The following FOXP2 variants were observed in gnomAD, a reference collection of about 807,000 sequenced individuals.
FOXP2 encodes the protein forkhead box P2.
FOXP2 carries 12 observed loss-of-function variants against 115.8 expected under a neutral mutation model. The observed-to-expected ratio is 0.10, with a 90% CI of 0.07 to 0.17. FOXP2 has a LOEUF of 0.17. FOXP2 is among the 10% of genes least tolerant of loss of function. The probability of loss-of-function intolerance (pLI) is 1.00; values close to 1 mark genes in which losing one functional copy is unlikely to be tolerated. For missense variants in FOXP2, 629 were observed against 843.5 expected (o/e 0.75, Z 3.15); for synonymous variants, 328 against 297.7 (o/e 1.10, Z -1.05).
At chr7:114,671,416 A>G (rs527868206) in intron 16 of FOXP2, among the ~76,000 whole-genome samples, 1 of 152,278 alleles carries the variant, frequency 6.6e-6, no homozygotes, top group East Asian at 1.9e-4. Context: ...TTATAGAACT[A>G]TACAGATGAT....
chr7:114,390,244 G>T (rs541383738), intron 2 of FOXP2, among the ~76,000 whole-genome samples: 2 of 152,152 alleles, frequency 1.3e-5, no homozygotes, highest in Non-Finnish European at 1.5e-5. Context: ...ATTTTAAAAT[G>T]AAATATAACA....
At chr7:114,197,111 T>C (rs760034675) in intron 1 of FOXP2, among the ~76,000 whole-genome samples, 6 of 151,980 alleles carry the variant, frequency 3.9e-5, no homozygotes, top group Non-Finnish European at 8.8e-5. Flanking sequence ...AGTGGGAGGA[T>C]TGCTTGAGCC....
Position 114,692,990 on chromosome 7 carries a change from C to T in FOXP2, c.*3064C>T, listed in dbSNP as rs528412841. Reference sequence around the variant, plus strand: ...TGCTGAATAAAATAAAGGACCAAACCTAGGATTTGAAAGAAAACTGTCTAC... The same window carrying T: ...TGCTGAATAAAATAAAGGACCAAACTTAGGATTTGAAAGAAAACTGTCTAC... On this transcript the variant is annotated 3_prime_UTR_variant, in exon 17 of 17. Coordinates refer to ENST00000350908, the MANE Select transcript of FOXP2 (RefSeq NM_014491.4). 3 of 453,790 alleles carry T rather than the reference C, an allele frequency of 6.6e-6. No individual in the cohort carries two copies. Among genetic ancestry groups the T allele is most frequent in the South Asian group, 4.7e-5 (3 of 64,460 alleles). 28.1% of individuals were successfully genotyped at this position (453,790 alleles called of 1,614,324 possible). A position where few individuals can be genotyped will look rare whatever the true frequency, so the allele number is the denominator to read the frequency against.
At chr7:114,166,473 C>T (rs956478331) in intron 1 of FOXP2, among the ~76,000 whole-genome samples, 6 of 152,032 alleles carry the variant, frequency 3.9e-5, no homozygotes, top group Non-Finnish European at 8.8e-5. Context: ...GGAGTTCCGA[C>T]GTGGGCAGAT....
chr7:114,291,437 G>C (rs1372159441), intron 2 of FOXP2, among the ~76,000 whole-genome samples: 1 of 152,092 alleles, frequency 6.6e-6, no homozygotes, highest in Admixed American at 6.6e-5. Flanking sequence ...TTATGTACCT[G>C]TGCTCTCTGT....
chr7:114,386,780 G>A (rs1394786940), intron 2 of FOXP2, among the ~76,000 whole-genome samples: 1 of 152,108 alleles, frequency 6.6e-6, no homozygotes, highest in African/African-American at 2.4e-5. Context: ...TTTCTGAGTA[G>A]GCATCTGCAT....
intron 1 of FOXP2, among the ~76,000 whole-genome samples, chr7:114,190,500 G>T (rs1390311688): frequency 1.3e-5 from 2 of 152,176 alleles, no homozygotes; most frequent in Non-Finnish European, 2.9e-5. Flanking sequence ...GCCTTTTGGT[G>T]TGGACTGGGA....
In FOXP2 at chr7:114,608,863, A is replaced by G. The variant is rs75195507; in HGVS notation, c.259-19677A>G. On this transcript the variant is annotated intron_variant, in intron 3 of 16. Coordinates refer to ENST00000350908, the MANE Select transcript of FOXP2 (RefSeq NM_014491.4). Reference sequence around the variant, plus strand: ...AAGAGTCATTCTGGCAAAATTCACTACCAGATGCAGAAGTTCAATTTAATC... The same window carrying G: ...AAGAGTCATTCTGGCAAAATTCACTGCCAGATGCAGAAGTTCAATTTAATC... Among the ~76,000 whole-genome samples, 850 of 152,254 alleles carry G rather than the reference A, an allele frequency of 5.6e-3. 6 individuals carry two copies. Among genetic ancestry groups the G allele is most frequent in the South Asian group, 0.024 (114 of 4,818 alleles).
intron 3 of FOXP2, among the ~76,000 whole-genome samples, chr7:114,590,550 T>A (rs1802391567): frequency 6.6e-6 from 1 of 152,096 alleles, no homozygotes; most frequent in South Asian, 2.1e-4. Context: ...CAGATGTAAC[T>A]AAGACAGGCC....
chr7:114,310,727 G>T (rs1424699365), intron 2 of FOXP2, among the ~76,000 whole-genome samples: 1 of 152,076 alleles, frequency 6.6e-6, no homozygotes, highest in Non-Finnish European at 1.5e-5. Context: ...ACAAAGGGGT[G>T]AAATTACACA....
Position 114,652,260 on chromosome 7 carries a change from A to T in FOXP2, c.1152A>T (p.Gln384His). 1 of 1,612,980 alleles carries T rather than the reference A, an allele frequency of 6.2e-7. No individual in the cohort carries two copies. Among genetic ancestry groups the T allele is most frequent in the Non-Finnish European group, 8.5e-7 (1 of 1,179,298 alleles). Residue 384 changes from glutamine to histidine, a missense_variant, in exon 9 of 17, where the codon CAA (glutamine) becomes CAT (histidine). By Grantham distance (24) the Gln-to-His change is conservative. Transcript: ENST00000350908. ...DDRSTAQCRV[Q>H]MQVVQQLEIQ... ...GAAGCACTGCTCAGTGTCGAGTGCA[A>T]ATGCAGGTGGTGCAACAGTTAGAAA...
At chr7:114,208,032 G>A (rs1274198156) in intron 1 of FOXP2, among the ~76,000 whole-genome samples, 1 of 152,196 alleles carries the variant, frequency 6.6e-6, no homozygotes, top group Non-Finnish European at 1.5e-5. Flanking sequence ...GTGGACCTGG[G>A]AGAAGAGGGC....
At chr7:114,300,865 A>G (rs1471116296) in intron 2 of FOXP2, among the ~76,000 whole-genome samples, 1 of 152,002 alleles carries the variant, frequency 6.6e-6, no homozygotes, top group Non-Finnish European at 1.5e-5. Context: ...ACTCCTTTTC[A>G]TTGTGAGAGA....
chr7:114,683,651 A>C (rs753291135), intron 16 of FOXP2, among the ~76,000 whole-genome samples: 80 of 152,302 alleles, frequency 5.3e-4, no homozygotes, highest in Non-Finnish European at 9.1e-4. Context: ...TTGATCCTTA[A>C]GTGGTAGACA....
chr7:114,574,684 A>G (rs1801487654), intron 3 of FOXP2, among the ~76,000 whole-genome samples: 1 of 151,912 alleles, frequency 6.6e-6, no homozygotes, highest in African/African-American at 2.4e-5. Context: ...TGTTGCCTAC[A>G]GGTTTTTACA....
intron 1 of FOXP2, among the ~76,000 whole-genome samples, chr7:114,115,974 G>T (rs1482354832): frequency 6.6e-6 from 1 of 152,132 alleles, no homozygotes; most frequent in African/African-American, 2.4e-5. Flanking sequence ...TTCCATGATT[G>T]TAACCCCTCT....
chr7:114,281,626 C>CAAA (rs1293050036), intron 1 of FOXP2, among the ~76,000 whole-genome samples: 2 of 152,176 alleles, frequency 1.3e-5, no homozygotes, highest in East Asian at 3.9e-4. Flanking sequence ...TTGATTTTTA[C>CAAA]ATTATCTGAC....
At chr7:114,169,046 G>T (rs986834842) in intron 1 of FOXP2, among the ~76,000 whole-genome samples, 2 of 152,234 alleles carry the variant, frequency 1.3e-5, no homozygotes, top group African/African-American at 4.8e-5. Context: ...GGAAATACCT[G>T]CAAAGGCAGA....
intron 1 of FOXP2, among the ~76,000 whole-genome samples, chr7:114,174,888 G>A (rs533874873): frequency 7.8e-4 from 118 of 152,130 alleles, no homozygotes; most frequent in Admixed American, 1.3e-3. Context: ...TAATGATGTA[G>A]GCTTTCTAGC....
Sources: allele counts gnomAD v4.1 joint callset (sites outside exome capture counted in the v4.1 genomes callset), GRCh38; gene constraint gnomAD v4.1.1; transcripts MANE v1.5; gene names NCBI Gene and HGNC (gene_info 2026-07-23, HGNC 2026-07-21).